MLLT3: variants seen among roughly 807,000 people sequenced by gnomAD.
MLLT3 encodes MLLT3 super elongation complex subunit.
Under a neutral mutation model 53.2 loss-of-function variants are expected in MLLT3, and 4 were observed. The ratio of observed to expected loss-of-function variants is 0.08; its 90% confidence interval spans 0.04 to 0.17. The LOEUF (loss-of-function observed/expected upper bound fraction) is 0.17. Among genes scored for constraint, MLLT3 ranks in the 10% least tolerant of loss-of-function variants. The pLI is 1.00. For missense variants in MLLT3, 569 were observed against 684.0 expected (o/e 0.83, Z 1.87); for synonymous variants, 283 against 230.6 (o/e 1.23, Z -2.06).
chr9:20,501,124 C>T (rs1314525848), intron 2 of MLLT3, among the ~76,000 whole-genome samples: 1 of 152,128 alleles, frequency 6.6e-6, no homozygotes, highest in Non-Finnish European at 1.5e-5. Context: ...AGTTAAAATG[C>T]CTAGGAATTA....
At chr9:20,586,289 C>T (rs1819958537) in intron 2 of MLLT3, among the ~76,000 whole-genome samples, 1 of 151,368 alleles carries the variant, frequency 6.6e-6, no homozygotes, top group Non-Finnish European at 1.5e-5. Flanking sequence ...CACTGTATTC[C>T]AGCCTGGGTG....
chr9:20,471,212 A>G (rs4317664), intron 2 of MLLT3, among the ~76,000 whole-genome samples: 5,344 of 152,130 alleles, frequency 0.035, 269 homozygotes, highest in African/African-American at 0.11. Context: ...GCTTATATGA[A>G]AAGTATTTTT....
At chr9:20,539,117 T>C (rs1447651761) in intron 2 of MLLT3, among the ~76,000 whole-genome samples, 2 of 152,232 alleles carry the variant, frequency 1.3e-5, no homozygotes, top group African/African-American at 4.8e-5. Context: ...TGGTGATTTC[T>C]GGAAATAAGA....
At chr9:20,393,970 T>A (rs779520682) in intron 5 of MLLT3, among the ~76,000 whole-genome samples, 2 of 152,204 alleles carry the variant, frequency 1.3e-5, no homozygotes, top group Non-Finnish European at 2.9e-5. Context: ...ATCATTCTTG[T>A]AAAGCTTCAT....
intron 2 of MLLT3, among the ~76,000 whole-genome samples, chr9:20,525,263 G>A (rs946608423): frequency 1.3e-5 from 2 of 152,034 alleles, no homozygotes; most frequent in South Asian, 2.1e-4. Context: ...TTGGGAGGCC[G>A]ACACAAGCGG....
intron 4 of MLLT3, among the ~76,000 whole-genome samples, chr9:20,419,887 G>A (rs1417038538): frequency 6.6e-6 from 1 of 152,026 alleles, no homozygotes; most frequent in Non-Finnish European, 1.5e-5. Context: ...ACAATATACA[G>A]ATTTAAATCT....
intron 2 of MLLT3, among the ~76,000 whole-genome samples, chr9:20,476,756 G>C (rs1311557154): frequency 1.3e-5 from 2 of 151,990 alleles, no homozygotes; most frequent in Non-Finnish European, 2.9e-5. Flanking sequence ...ATCTTAAGTG[G>C]AGTATTCATC....
intron 2 of MLLT3, among the ~76,000 whole-genome samples, chr9:20,496,396 A>T (rs1441213010): frequency 6.6e-6 from 1 of 152,154 alleles, no homozygotes; most frequent in African/African-American, 2.4e-5. Flanking sequence ...TGTTTCTGGA[A>T]AGATCTAGGC....
chr9:20,596,893 T>G (rs1012584984), intron 2 of MLLT3, among the ~76,000 whole-genome samples: 1 of 152,154 alleles, frequency 6.6e-6, no homozygotes, highest in Non-Finnish European at 1.5e-5. Flanking sequence ...AGTATTGCCA[T>G]CGTAATATTA....
intron 2 of MLLT3, among the ~76,000 whole-genome samples, chr9:20,480,986 G>GCA (rs1024540404): frequency 3.9e-5 from 6 of 152,038 alleles, no homozygotes; most frequent in East Asian, 1.9e-4. Flanking sequence ...TAATGGCGAA[G>GCA]CACGCACACA....
intron 2 of MLLT3, among the ~76,000 whole-genome samples, chr9:20,505,301 T>C (rs1177951967): frequency 6.6e-6 from 1 of 152,222 alleles, no homozygotes; most frequent in African/African-American, 2.4e-5. Context: ...GCATACTAAG[T>C]GACAGAATAT....
At chr9:20,395,985 A>C (rs963049476) in intron 5 of MLLT3, among the ~76,000 whole-genome samples, 12 of 152,188 alleles carry the variant, frequency 7.9e-5, no homozygotes, top group African/African-American at 2.7e-4. Flanking sequence ...TTGTTCTTGG[A>C]GAAAGCAGAA....
Position 20,354,861 on chromosome 9 carries a change from G to T in MLLT3, c.1450C>A (p.Pro484Thr). Residue 484 changes from proline (P) to threonine (T), a missense_variant, in exon 9 of 11, where the codon CCA (proline) becomes ACA (threonine). Physicochemically the swap from Pro to Thr is conservative, Grantham distance 38. Coordinates refer to ENST00000380338, the MANE Select transcript of MLLT3 (RefSeq NM_004529.4). The part of the protein sequence containing the change: ...NNNQILEVKS[P>T]IKQSKSDKQI... The stretch of plus-strand genomic sequence containing the variant: ...TTATCTGATTTGCTTTGCTTTATTG[G>T]ACTTTTCACTTCAAGAATCTAGGGA... 1.2e-6 allele frequency: 2 copies of T among 1,612,190 alleles called. No individual in the cohort carries two copies. The highest frequency in any genetic ancestry group is 1.7e-6 in the Non-Finnish European group (2 of 1,178,630).
intron 10 of MLLT3, among the ~76,000 whole-genome samples, chr9:20,352,398 C>G (rs1821049717): frequency 6.6e-6 from 1 of 152,162 alleles, no homozygotes; most frequent in African/African-American, 2.4e-5. Flanking sequence ...TGGAAAATGA[C>G]AGGTAAAACA....
At chr9:20,614,194 A>G (rs1031628165) in intron 2 of MLLT3, among the ~76,000 whole-genome samples, 2 of 152,214 alleles carry the variant, frequency 1.3e-5, no homozygotes, top group South Asian at 4.1e-4. Flanking sequence ...CAGGAGTTTG[A>G]GACCAGCCTG....
At chr9:20,589,473 T>C (rs868480106) in intron 2 of MLLT3, among the ~76,000 whole-genome samples, 5 of 145,160 alleles carry the variant, frequency 3.4e-5, no homozygotes, top group African/African-American at 1.0e-4. Context: ...TTGGGAGATA[T>C]ACCTAATGCT....
chr9:20,393,833 A>T (rs1822252119), intron 5 of MLLT3, among the ~76,000 whole-genome samples: 1 of 152,212 alleles, frequency 6.6e-6, no homozygotes, highest in African/African-American at 2.4e-5. Context: ...AAGAGTAACA[A>T]GAGAAAGTGA....
At chr9:20,594,172 C>T (rs1222314666) in intron 2 of MLLT3, among the ~76,000 whole-genome samples, 2 of 152,082 alleles carry the variant, frequency 1.3e-5, no homozygotes, top group Admixed American at 6.5e-5. Flanking sequence ...AACTCCTGAC[C>T]TCAAATGATC....
chr9:20,394,385 C>T (rs933795562), intron 5 of MLLT3, among the ~76,000 whole-genome samples: 4 of 152,180 alleles, frequency 2.6e-5, no homozygotes, highest in African/African-American at 7.2e-5. Flanking sequence ...AGCTATGATT[C>T]TTCCTACCTA....
Sources: gnomAD v4.1 joint callset for allele counts (sites outside exome capture counted in the v4.1 genomes callset) on GRCh38, gnomAD v4.1.1 for gene constraint, MANE v1.5 for transcripts, NCBI Gene and HGNC (gene_info 2026-07-23, HGNC 2026-07-21) for gene names.